DRC1: variants seen among roughly 807,000 people sequenced by gnomAD.
The protein encoded by DRC1 is dynein regulatory complex subunit 1, also known as dynein regulatory complex protein 1.
DRC1 carries 74 observed loss-of-function variants against 98.7 expected under a neutral mutation model. That is an observed-to-expected ratio of 0.75 (90% CI 0.62 to 0.91). The LOEUF (loss-of-function observed/expected upper bound fraction) is 0.91. Ranked by LOEUF, DRC1 falls within the 40% of genes least tolerant of loss-of-function variation. The pLI is 0.00. For synonymous variants in DRC1, 336 were observed against 334.1 expected (o/e 1.01, Z -0.06); for missense variants, 875 against 886.0 (o/e 0.99, Z 0.16).
chr2:26,405,985 C>T (rs761955510), intron 1 of DRC1, among the ~76,000 whole-genome samples: 3 of 152,046 alleles, frequency 2.0e-5, no homozygotes, highest in African/African-American at 4.8e-5. Flanking sequence ...TGGTTGGGGC[C>T]GCGCATTGTG....
chr2:26,444,578 G>A (rs1663802609), intron 9 of DRC1, 138 bp from the exon 10 acceptor site: 2 of 1,029,018 alleles, frequency 1.9e-6, no homozygotes, highest in East Asian at 2.6e-5. Context: ...ATCGTAAGTG[G>A]GAATCAGCCG....
chr2:26,410,245 ATATTAT>A (rs10573963), intron 1 of DRC1, among the ~76,000 whole-genome samples: 1,902 of 142,974 alleles, frequency 0.013, 25 homozygotes, highest in African/African-American at 0.036. Context: ...TATAGAGAAA[ATATTAT>A]TATTATTATT....
At chr2:26,450,566 A>T (rs778647236) in intron 12 of DRC1, 26 bp from the exon 13 acceptor site, 1 of 1,605,552 alleles carries the variant, frequency 6.2e-7, no homozygotes, top group East Asian at 2.2e-5. Flanking sequence ...GGGGTGTTTG[A>T]GCAACCATCC....
chr2:26,451,698 GAAAA>G (rs984279051), intron 13 of DRC1, among the ~76,000 whole-genome samples: 1 of 149,510 alleles, frequency 6.7e-6, no homozygotes, highest in Admixed American at 6.6e-5. Flanking sequence ...GTCTCTAAGG[GAAAA>G]AAAAGAGAAA....
intron 4 of DRC1, among the ~76,000 whole-genome samples, chr2:26,425,515 A>G (rs1411104948): frequency 2.0e-5 from 3 of 152,136 alleles, no homozygotes; most frequent in Admixed American, 1.3e-4. Flanking sequence ...TTTTATAATG[A>G]TTGCACCATT....
intron 2 of DRC1, among the ~76,000 whole-genome samples, chr2:26,419,046 G>A (rs2147983992): frequency 6.6e-6 from 1 of 151,256 alleles, no homozygotes; most frequent in East Asian, 1.9e-4. Context: ...GCACCACCAT[G>A]CCTGGCTAAG....
intron 3 of DRC1, 78 bp from the exon 4 acceptor site, chr2:26,424,193 T>G: frequency 6.5e-7 from 1 of 1,543,426 alleles, no homozygotes; most frequent in Non-Finnish European, 8.8e-7. Flanking sequence ...ATTCTAGAGA[T>G]TCTAGAGAAC....
chr2:26,452,622 G>A (rs533086548), intron 13 of DRC1, among the ~76,000 whole-genome samples: 7 of 152,198 alleles, frequency 4.6e-5, no homozygotes, highest in Non-Finnish European at 1.0e-4. Flanking sequence ...AATGGCAGAA[G>A]ATTCGAAACA....
intron 1 of DRC1, among the ~76,000 whole-genome samples, chr2:26,405,751 C>T (rs1432863677): frequency 6.6e-6 from 1 of 150,708 alleles, no homozygotes; most frequent in Non-Finnish European, 1.5e-5. Flanking sequence ...ATCTCCACCT[C>T]CCAGGTTCAA....
rs10555604 is a variant in DRC1, at chr2:26,429,185, GATTATTATTATT to G, written c.541-406_541-395del. Among the ~76,000 whole-genome samples the G allele has an allele frequency of 5.0e-3, 153 of 30,894 alleles. 2 individuals are homozygous for G. In the South Asian group the frequency reaches 0.05, roughly 10 times the overall value. 20.3% of individuals were successfully genotyped at this position (30,894 alleles called of 152,430 possible). On this transcript the variant is annotated intron_variant, in intron 4 of 16. Coordinates refer to ENST00000288710, the MANE Select transcript of DRC1 (RefSeq NM_145038.5). ...GAAACCACTTTCTCTTTGTACAGAT[GATTATTATTATT>G]ATTATTATTATTATTATTATTATTA...
intron 2 of DRC1, 80 bp from the exon 3 acceptor site, chr2:26,421,208 G>T: frequency 7.5e-7 from 1 of 1,327,698 alleles, no homozygotes; most frequent in Non-Finnish European, 1.0e-6. Flanking sequence ...GCTGCGGACA[G>T]TTGTGCAAAA....
At chr2:26,428,409 A>G (rs1033195047) in intron 4 of DRC1, among the ~76,000 whole-genome samples, 6 of 152,238 alleles carry the variant, frequency 3.9e-5, no homozygotes, top group African/African-American at 1.4e-4. Flanking sequence ...CTCCTAGGCT[A>G]CAAACCTGTC....
chr2:26,450,715 C>T, intron 13 of DRC1, 34 bp downstream of exon 13: 3 of 1,519,428 alleles, frequency 2.0e-6, no homozygotes, highest in Non-Finnish European at 2.6e-6. Context: ...AAAGCATTTT[C>T]TTTCTTTCTT....
In DRC1 at chr2:26,402,264, G is replaced by C. The variant is rs1435130355; in HGVS notation, c.155+120G>C. On this transcript the variant is annotated intron_variant, in intron 1 of 16. Transcript: ENST00000288710. The stretch of plus-strand genomic sequence containing the variant: ...CAGGCAGAGTATGGGAAAGTAAAAC[G>C]CTGGGCCGGTGCCGTGGCGCGCGCC... 2.1e-6 allele frequency: 3 copies of C among 1,402,552 alleles called. No homozygotes were observed. The African/African-American group carries it at 4.4e-5, about 21-fold the overall frequency. The allele number at this position is 1,402,552 out of a possible 1,614,324, so 86.9% of individuals were successfully genotyped here. A position where few individuals can be genotyped will look rare whatever the true frequency, so the allele number is the denominator to read the frequency against.
rs1558438192 is a variant in DRC1 at position 26,418,646 on chromosome 2, A to ATATAAATTATATATAATTTATATAT, written c.244-2638_244-2637insAATTATATATAATTTATATATTATA. 3.3e-3 allele frequency among the ~76,000 whole-genome samples: 309 copies of ATATAAATTATATATAATTTATATAT among 93,602 alleles called. 4 individuals are homozygous for ATATAAATTATATATAATTTATATAT. Among genetic ancestry groups the ATATAAATTATATATAATTTATATAT allele is most frequent in the African/African-American group, 0.014 (295 of 20,752 alleles). 61.4% of individuals were successfully genotyped at this position (93,602 alleles called of 152,430 possible). A position where few individuals can be genotyped will look rare whatever the true frequency, so the allele number is the denominator to read the frequency against. On this transcript the variant is annotated intron_variant, in intron 2 of 16. Coordinates refer to ENST00000288710, the MANE Select transcript of DRC1 (RefSeq NM_145038.5). ...ATATAAATTATATATAATTTATATA[A>ATATAAATTATATATAATTTATATAT]TATATAAATTATATATTATATAAAT...
intron 1 of DRC1, among the ~76,000 whole-genome samples, chr2:26,411,593 A>G (rs1353667636): frequency 1.3e-5 from 2 of 152,146 alleles, no homozygotes; most frequent in African/African-American, 4.8e-5. Context: ...AATTTATAGC[A>G]TATCTGCAGA....
intron 7 of DRC1, among the ~76,000 whole-genome samples, chr2:26,435,295 A>G (rs1359446685): frequency 6.6e-6 from 1 of 152,216 alleles, no homozygotes; most frequent in Admixed American, 6.5e-5. Context: ...ATCTTTATTG[A>G]TGACTCATAA....
chr2:26,433,875 G>A (rs950988086), intron 7 of DRC1, among the ~76,000 whole-genome samples: 1 of 152,140 alleles, frequency 6.6e-6, no homozygotes, highest in African/African-American at 2.4e-5. Flanking sequence ...GTTCTTTCCT[G>A]TGTCAGATGG....
chr2:26,448,012 T>C (rs4072406), intron 10 of DRC1, among the ~76,000 whole-genome samples: 108,918 of 150,570 alleles, frequency 0.72, 41,065 homozygotes, highest in Non-Finnish European at 0.83. Flanking sequence ...ATCACTTGAG[T>C]TCAGGAGTTC....
Sources: allele counts gnomAD v4.1 joint callset (sites outside exome capture counted in the v4.1 genomes callset), GRCh38; gene constraint gnomAD v4.1.1; transcripts MANE v1.5; gene names NCBI Gene and HGNC (gene_info 2026-07-23, HGNC 2026-07-21).